ST3GAL3: variants seen among roughly 807,000 people sequenced by gnomAD.
ST3GAL3 encodes ST3 beta-galactoside alpha-2,3-sialyltransferase 3, also known as CMP-N-acetylneuraminate-beta-1,4-galactoside alpha-2,3-sialyltransferase.
Under a neutral mutation model 50.1 loss-of-function variants are expected in ST3GAL3, and 21 were observed. The observed-to-expected ratio is 0.42, with a 90% CI of 0.30 to 0.60. ST3GAL3 has a LOEUF of 0.60. Among genes scored for constraint, ST3GAL3 ranks in the 20% least tolerant of loss-of-function variants. ST3GAL3 has a pLI of 0.19. For synonymous variants in ST3GAL3, 183 were observed against 190.0 expected, an observed-to-expected ratio of 0.96 and a Z score of 0.30; for missense variants, 353 against 489.4, an observed-to-expected ratio of 0.72 and a Z score of 2.63.
In ST3GAL3 at chr1:43,770,394, TAGG is replaced by T. The variant is rs1366425811; in HGVS notation, c.119-21704_119-21702del. On this transcript the variant is annotated intron_variant, in intron 2 of 11. Transcript: ENST00000347631. ...AGAACAGATTTTAAAAGCACTGACATAGGAGGGAAGGAAGGGTCAACCTCATTA... is the reference window on the plus strand; with the variant it reads ...AGAACAGATTTTAAAAGCACTGACATAGGGAAGGAAGGGTCAACCTCATTA... Among the ~76,000 whole-genome samples the T allele has an allele frequency of 2.6e-5, 4 of 151,906 alleles. 1 individual carries two copies. Among genetic ancestry groups the T allele is most frequent in the Non-Finnish European group, 2.9e-5 (2 of 67,944 alleles).
intron 3 of ST3GAL3, among the ~76,000 whole-genome samples, chr1:43,806,445 G>A (rs1202724287): frequency 2.0e-5 from 3 of 152,100 alleles, no homozygotes; most frequent in African/African-American, 7.2e-5. Context: ...GCAATGACGG[G>A]ATAGGGAGGG....
chr1:43,817,876 C>CCTCCTCCTCCTCCTT (rs2061610685), intron 4 of ST3GAL3, among the ~76,000 whole-genome samples: 1 of 140,656 alleles, frequency 7.1e-6, no homozygotes, highest in Non-Finnish European at 1.5e-5. Flanking sequence ...TCCTCCTCCT[C>CCTCCTCCTCCTCCTT]CTCCTCCTTC....
chr1:43,892,806 GAC>G, intron 5 of ST3GAL3, among the ~76,000 whole-genome samples: 1 of 152,296 alleles, frequency 6.6e-6, no homozygotes, highest in East Asian at 1.9e-4. Flanking sequence ...GCTCAGTCGT[GAC>G]ACAGAAGAAG....
intron 5 of ST3GAL3, among the ~76,000 whole-genome samples, chr1:43,875,935 CTTCTTCTTCTTCTTCTTATTATTATTA>C (rs1416744140): frequency 2.9e-3 from 163 of 57,064 alleles, no homozygotes; most frequent in African/African-American, 6.2e-3. Context: ...TCTTCTTCTT[CTTCTTCTTCTTCTTCTTATTATTATTA>C]TTATTATTAT....
At chr1:43,811,884 C>A (rs572587257) in intron 3 of ST3GAL3, among the ~76,000 whole-genome samples, 4 of 152,162 alleles carry the variant, frequency 2.6e-5, no homozygotes, top group Admixed American at 2.0e-4. Context: ...CTCTAGCAAC[C>A]GATTGCTATT....
At chr1:43,927,792 T>C (rs569951766) in intron 11 of ST3GAL3, among the ~76,000 whole-genome samples, 1 of 152,108 alleles carries the variant, frequency 6.6e-6, no homozygotes, top group South Asian at 2.1e-4. Flanking sequence ...TGGCAGAGTA[T>C]AATGACAGGA....
At chr1:43,797,100 A>C (rs1573020572) in intron 3 of ST3GAL3, among the ~76,000 whole-genome samples, 1 of 152,218 alleles carries the variant, frequency 6.6e-6, no homozygotes, top group East Asian at 1.9e-4. Context: ...AGGCAGGAGG[A>C]TCACTTGAGC....
In ST3GAL3 at chr1:43,930,562, A is replaced by T; in HGVS notation, c.*341A>T. 2.4e-6 allele frequency: 1 copy of T among 411,638 alleles called. No homozygotes were observed. Among genetic ancestry groups the T allele is most frequent in the East Asian group, 5.3e-5 (1 of 19,006 alleles). 25.5% of individuals were successfully genotyped at this position (411,638 alleles called of 1,614,324 possible). ...GTATTATCATTTTGTGAATTTGGGT[A>T]GGGGGGAGGGTAGGGATAATTTATT... is the stretch of plus-strand genomic sequence containing the variant. On this transcript the variant is annotated 3_prime_UTR_variant, in exon 12 of 12. Coordinates refer to ENST00000347631, the MANE Select transcript of ST3GAL3 (RefSeq NM_006279.5).
At position 43,899,477 on chromosome 1, in the gene ST3GAL3, A is replaced by C; in HGVS notation, c.558-64A>C. 1 of 1,600,390 alleles carries C rather than the reference A, an allele frequency of 6.2e-7. No individual in the cohort carries two copies. Among genetic ancestry groups the C allele is most frequent in the Non-Finnish European group, 8.5e-7 (1 of 1,174,740 alleles). On this transcript the variant is annotated intron_variant, in intron 8 of 11. Coordinates refer to ENST00000347631, the MANE Select transcript of ST3GAL3 (RefSeq NM_006279.5). This position sits in a 1 kb window ranked among gnomAD's most constrained non-coding sequence, Gnocchi z 5.4. The stretch of plus-strand genomic sequence containing the variant: ...ACTCCCTATTCTCCATGCCTGGGAT[A>C]GTCTGGGGTCATGGTGCCTTCCCAA...
At chr1:43,894,248 C>G in intron 5 of ST3GAL3, 135 bp from the exon 6 acceptor site, 1 of 845,882 alleles carries the variant, frequency 1.2e-6, no homozygotes, top group Non-Finnish European at 2.0e-6. Flanking sequence ...AGTGAACAGG[C>G]TGGGTGGAGG....
intron 2 of ST3GAL3, among the ~76,000 whole-genome samples, chr1:43,759,619 T>C (rs1689544532): frequency 1.3e-5 from 2 of 152,168 alleles, no homozygotes; most frequent in African/African-American, 2.4e-5. Flanking sequence ...TAAAGTTTGG[T>C]CAAGTGTATT....
chr1:43,792,063 A>T, intron 2 of ST3GAL3, 39 bp from the exon 3 acceptor site: 1 of 1,613,846 alleles, frequency 6.2e-7, no homozygotes, highest in Non-Finnish European at 8.5e-7. Context: ...TTTTATTATA[A>T]GAAGGAGAAA....
At chr1:43,917,589 ATATAATAT>A (rs1416111664) in intron 9 of ST3GAL3, among the ~76,000 whole-genome samples, 1 of 44,920 alleles carries the variant, frequency 2.2e-5, no homozygotes, top group East Asian at 7.7e-4. Flanking sequence ...TACGTATTAT[ATATAATAT>A]ATATATTATA....
rs192110238 is a variant in ST3GAL3 at position 43,883,462 on chromosome 1, G to T, written c.303-10921G>T. Among the ~76,000 whole-genome samples, 304 of 152,342 alleles carry T rather than the reference G, an allele frequency of 2.0e-3. 6 individuals carry two copies. The highest frequency in any genetic ancestry group is 1.1e-3 in the Non-Finnish European group (74 of 68,026). ...GTGCCAACAAGAAAGAGCATGAACTGAGTGCCTGAAAGTACCAGTGATGAT... is the reference window on the plus strand; with the variant it reads ...GTGCCAACAAGAAAGAGCATGAACTTAGTGCCTGAAAGTACCAGTGATGAT... On this transcript the variant is annotated intron_variant, in intron 5 of 11. Coordinates refer to ENST00000347631, the MANE Select transcript of ST3GAL3 (RefSeq NM_006279.5).
chr1:43,918,113 C>CTT (rs1304870553), intron 9 of ST3GAL3, among the ~76,000 whole-genome samples: 2 of 52,936 alleles, frequency 3.8e-5, no homozygotes, highest in East Asian at 5.2e-4. Context: ...AAATTTTTTT[C>CTT]TTTCTCTTTT....
intron 5 of ST3GAL3, among the ~76,000 whole-genome samples, chr1:43,857,521 TCCCTCCTCCTTCCCTCCCTCCCTC>T (rs2068691471): frequency 7.0e-6 from 1 of 142,558 alleles, no homozygotes. Context: ...CTTCCTTCCT[TCCCTCCTCCTTCCCTCCCTCCCTC>T]CCTTCCTTCC....
In ST3GAL3 at chr1:43,920,279, C is replaced by G. The variant is rs138396600; in HGVS notation, c.745-125C>G. Reference sequence around the variant, plus strand: ...ACAGATGGGCTTCCTACACCACAGGCCCTGGGTTCCCCATTAAACGCCTCA... The same window carrying G: ...ACAGATGGGCTTCCTACACCACAGGGCCTGGGTTCCCCATTAAACGCCTCA... On this transcript the variant is annotated intron_variant, in intron 9 of 11. Coordinates refer to ENST00000347631, the MANE Select transcript of ST3GAL3 (RefSeq NM_006279.5). The G allele has an allele frequency of 3.2e-4, 376 of 1,157,976 alleles. 4 individuals are homozygous for G. The African/African-American group carries it at 5.0e-3, about 15-fold the overall frequency. The allele number at this position is 1,157,976 out of a possible 1,614,324, so 71.7% of individuals were successfully genotyped here. A position where few individuals can be genotyped will look rare whatever the true frequency, so the allele number is the denominator to read the frequency against.
At chr1:43,714,289 A>G (rs1666244064) in intron 1 of ST3GAL3, among the ~76,000 whole-genome samples, 1 of 143,852 alleles carries the variant, frequency 7.0e-6, no homozygotes, top group African/African-American at 2.6e-5. Flanking sequence ...AAAATCCCAT[A>G]CAAATTTAAA....
intron 5 of ST3GAL3, among the ~76,000 whole-genome samples, chr1:43,884,497 T>C (rs2075664553): frequency 6.6e-6 from 1 of 152,210 alleles, no homozygotes; most frequent in Non-Finnish European, 1.5e-5. Context: ...ATGGTGGGGC[T>C]GCAGCAGCTA....
Sources: allele counts gnomAD v4.1 joint callset (sites outside exome capture counted in the v4.1 genomes callset), GRCh38; gene constraint gnomAD v4.1.1; non-coding constraint Gnocchi (gnomAD v3.1); transcripts MANE v1.5; gene names NCBI Gene and HGNC (gene_info 2026-07-23, HGNC 2026-07-21).